Variants in GLIS1 observed in about 807,000 individuals in gnomAD.
GLIS1 encodes GLIS family zinc finger 1, also known as zinc finger protein GLIS1.
In GLIS1, 24 loss-of-function variants were observed where a neutral mutation model predicts 63.8. The observed-to-expected ratio is 0.38, with a 90% confidence interval of 0.27 to 0.53. The LOEUF (loss-of-function observed/expected upper bound fraction) is 0.53, where lower values mean the gene tolerates loss of function less well. Ranked by LOEUF, GLIS1 falls within the 20% of genes least tolerant of loss-of-function variation. The pLI, the probability that GLIS1 is intolerant of heterozygous loss-of-function variation, is 0.85. For synonymous variants in GLIS1, 450 were observed against 482.5 expected (o/e 0.93, Z 0.88); for missense variants, 1,036 against 1,074.1 (o/e 0.96, Z 0.50).
intron 2 of GLIS1, among the ~76,000 whole-genome samples, chr1:53,684,291 C>T (rs1646307180): frequency 6.6e-6 from 1 of 152,108 alleles, no homozygotes; most frequent in African/African-American, 2.4e-5. Context: ...AGGGCTGGCA[C>T]CCAGAAGGTG....
intron 4 of GLIS1, among the ~76,000 whole-genome samples, chr1:53,575,309 A>C (rs1432336116): frequency 6.6e-6 from 1 of 152,088 alleles, no homozygotes; most frequent in Non-Finnish European, 1.5e-5. Context: ...TGCAGCCCTG[A>C]AGACAAAGCC....
intron 7 of GLIS1, among the ~76,000 whole-genome samples, chr1:53,515,514 A>G (rs887091056): frequency 6.6e-6 from 1 of 152,040 alleles, no homozygotes; most frequent in Admixed American, 6.5e-5. Context: ...GCCTCATTCT[A>G]GTCTCAGATT....
chr1:53,524,206 C>T (rs926045729), intron 6 of GLIS1, among the ~76,000 whole-genome samples: 7 of 152,234 alleles, frequency 4.6e-5, no homozygotes, highest in Non-Finnish European at 7.3e-5. Context: ...GCAGAGCCAG[C>T]GGAAGCAAGC....
At chr1:53,613,590 G>A (rs950667785) in intron 2 of GLIS1, among the ~76,000 whole-genome samples, 21 of 151,820 alleles carry the variant, frequency 1.4e-4, no homozygotes, top group African/African-American at 4.8e-4. Flanking sequence ...TGACCCAAAA[G>A]CTTCAATAAA....
intron 4 of GLIS1, among the ~76,000 whole-genome samples, chr1:53,581,296 C>G (rs966017765): frequency 4.6e-5 from 7 of 152,186 alleles, no homozygotes; most frequent in Admixed American, 3.3e-4. Context: ...TCTGGGACAG[C>G]AACCGTGCAG....
At chr1:53,545,655 T>G (rs1307201846) in intron 4 of GLIS1, among the ~76,000 whole-genome samples, 1 of 152,236 alleles carries the variant, frequency 6.6e-6, no homozygotes, top group East Asian at 1.9e-4. Flanking sequence ...TTTCCTTTTT[T>G]CCTTACATTT....
chr1:53,666,855 C>T (rs747488409), intron 2 of GLIS1, among the ~76,000 whole-genome samples: 1 of 152,138 alleles, frequency 6.6e-6, no homozygotes, highest in Non-Finnish European at 1.5e-5. Flanking sequence ...TCTTAGTGAT[C>T]TCACCCCTCC....
chr1:53,645,649 G>A (rs569140821), intron 2 of GLIS1, among the ~76,000 whole-genome samples: 2 of 152,354 alleles, frequency 1.3e-5, no homozygotes, highest in East Asian at 1.9e-4. Flanking sequence ...ATGGGAAGAA[G>A]GGCTATGCCA....
In GLIS1 at chr1:53,712,843, G is replaced by A. The variant is rs193192384; in HGVS notation, c.259+24963C>T. Among the ~76,000 whole-genome samples, 619 of 152,162 alleles carry A rather than the reference G, an allele frequency of 4.1e-3. 6 individuals carry two copies. The highest frequency in any genetic ancestry group is 0.014 in the African/African-American group (595 of 41,472). ...CATCATCGGCGGTGGGCTACAACAC[G>A]GACTCTCCTTTAACACAACGGCAAA... On this transcript the variant is annotated intron_variant, in intron 2 of 10. Coordinates refer to ENST00000628545, the MANE Select transcript of GLIS1 (RefSeq NM_001367484.1).
At chr1:53,521,943 G>A (rs1321315442) in intron 6 of GLIS1, among the ~76,000 whole-genome samples, 3 of 152,242 alleles carry the variant, frequency 2.0e-5, no homozygotes, top group African/African-American at 7.2e-5. Context: ...CCCAGAGAGG[G>A]TGAGAGCCCT....
At chr1:53,555,536 A>G (rs1005908400) in intron 4 of GLIS1, among the ~76,000 whole-genome samples, 5 of 152,098 alleles carry the variant, frequency 3.3e-5, no homozygotes, top group Non-Finnish European at 7.4e-5. Context: ...TCTCAAAAAA[A>G]CAAAAACAAA....
intron 2 of GLIS1, among the ~76,000 whole-genome samples, chr1:53,711,114 T>C (rs146499506): frequency 3.3e-5 from 5 of 152,212 alleles, no homozygotes; most frequent in African/African-American, 9.6e-5. Flanking sequence ...AGTACCTCTA[T>C]AGTCACAGCA....
At chr1:53,723,239 C>CTTTTT (rs111541690) in intron 2 of GLIS1, among the ~76,000 whole-genome samples, 3 of 141,422 alleles carry the variant, frequency 2.1e-5, no homozygotes, top group African/African-American at 2.6e-5. Flanking sequence ...TATTTATTTA[C>CTTTTT]TTTTTTTTTT....
chr1:53,721,369 CT>C (rs1331261782), intron 2 of GLIS1, among the ~76,000 whole-genome samples: 6 of 152,144 alleles, frequency 3.9e-5, no homozygotes, highest in African/African-American at 1.4e-4. Context: ...CTTCCTAGGG[CT>C]GCTGGGAGAA....
At chr1:53,585,399 A>G (rs1645124401) in intron 4 of GLIS1, among the ~76,000 whole-genome samples, 1 of 152,084 alleles carries the variant, frequency 6.6e-6, no homozygotes, top group African/African-American at 2.4e-5. Flanking sequence ...ACAGCTGGTT[A>G]AGGGCAGAGT....
chr1:53,679,129 C>T (rs928114312), intron 2 of GLIS1, among the ~76,000 whole-genome samples: 1 of 152,092 alleles, frequency 6.6e-6, no homozygotes, highest in Non-Finnish European at 1.5e-5. Context: ...AACCTTACAT[C>T]CCACTTCATC....
At position 53,673,856 on chromosome 1, in the gene GLIS1, C is replaced by T. The variant is rs114496608; in HGVS notation, c.259+63950G>A. Among the ~76,000 whole-genome samples, 757 of 152,318 alleles carry T rather than the reference C, an allele frequency of 5.0e-3. 4 individuals are homozygous for T. Among genetic ancestry groups the T allele is most frequent in the African/African-American group, 0.018 (729 of 41,568 alleles). The stretch of plus-strand genomic sequence containing the variant: ...ATGCATGGAAGCCTGTGTGGTCTGA[C>T]TCCTCATCAGGGTTATGGTTAAGAA... On this transcript the variant is annotated intron_variant, in intron 2 of 10. Coordinates refer to ENST00000628545, the MANE Select transcript of GLIS1 (RefSeq NM_001367484.1).
At position 53,603,678 on chromosome 1, in the gene GLIS1, C is replaced by T. The variant is rs573558074; in HGVS notation, c.260-3400G>A. Among the ~76,000 whole-genome samples the T allele has an allele frequency of 2.1e-4, 32 of 152,308 alleles. No homozygotes were observed. In the South Asian group the frequency reaches 6.2e-3, roughly 30 times the overall value. ...TGGATGGATCCTTCCCTGGAAAAGCCGGGGGAGCAGGGGTGCCCTAGAAAG... is the reference window on the plus strand; with the variant it reads ...TGGATGGATCCTTCCCTGGAAAAGCTGGGGGAGCAGGGGTGCCCTAGAAAG... On this transcript the variant is annotated intron_variant, in intron 2 of 10. Coordinates refer to ENST00000628545, the MANE Select transcript of GLIS1 (RefSeq NM_001367484.1).
In GLIS1 at chr1:53,639,611, ATT is replaced by A. The variant is rs577361067; in HGVS notation, c.260-39335_260-39334del. ...GGATCCACCAGAGGGTGACGATAATATTTTCTTTCCTGTCTTACCTCGGAGAC... is the reference window on the plus strand; with the variant it reads ...GGATCCACCAGAGGGTGACGATAATATTCTTTCCTGTCTTACCTCGGAGAC... On this transcript the variant is annotated intron_variant, in intron 2 of 10. Coordinates refer to ENST00000628545, the MANE Select transcript of GLIS1 (RefSeq NM_001367484.1). The surrounding 1 kb of genome is among the most constrained non-coding windows in gnomAD (Gnocchi z 4.6). 4.6e-5 allele frequency among the ~76,000 whole-genome samples: 7 copies of A among 151,378 alleles called. No homozygotes were observed. The East Asian group carries it at 1.4e-3, about 29-fold the overall frequency.
Sources: allele counts gnomAD v4.1 joint callset (sites outside exome capture counted in the v4.1 genomes callset), GRCh38; gene constraint gnomAD v4.1.1; non-coding constraint Gnocchi (gnomAD v3.1); transcripts MANE v1.5; gene names NCBI Gene and HGNC (gene_info 2026-07-23, HGNC 2026-07-21).